The following CHRM5 variants were observed in gnomAD, a reference collection of about 807,000 sequenced individuals.
CHRM5 encodes cholinergic receptor muscarinic 5, also known as muscarinic acetylcholine receptor M5.
Under a neutral mutation model 39.0 loss-of-function variants are expected in CHRM5, and 18 were observed. That is an observed-to-expected ratio of 0.46 (90% CI 0.32 to 0.68). The LOEUF is 0.68. Among genes scored for constraint, CHRM5 ranks in the 30% least tolerant of loss-of-function variants. The pLI, the probability that CHRM5 is intolerant of heterozygous loss-of-function variation, is 0.04. For missense variants in CHRM5, 515 were observed against 651.1 expected (o/e 0.79, Z 2.28); for synonymous variants, 241 against 246.3 (o/e 0.98, Z 0.20).
At chr15:34,037,372 A>C (rs1899192532) in intron 1 of CHRM5, among the ~76,000 whole-genome samples, 1 of 151,788 alleles carries the variant, frequency 6.6e-6, no homozygotes, top group African/African-American at 2.4e-5. Flanking sequence ...AATACTGTTG[A>C]CTCAAGGGCA....
intron 2 of CHRM5, among the ~76,000 whole-genome samples, chr15:34,058,146 G>A (rs554082023): frequency 1.3e-5 from 2 of 152,164 alleles, no homozygotes; most frequent in African/African-American, 4.8e-5. Context: ...TCAAATGATC[G>A]AATGAGGCCT....
In CHRM5 at chr15:34,063,843, T is replaced by A; in HGVS notation, c.1126T>A (p.Cys376Ser). 1 of 1,614,088 alleles carries A rather than the reference T, an allele frequency of 6.2e-7. No individual in the cohort carries two copies. The highest frequency in any genetic ancestry group is 2.2e-5 in the East Asian group (1 of 44,880). The change falls in exon 3 of 3, where the codon TGT becomes AGT. Residue 376 changes from cysteine to serine, a missense_variant. Physicochemically the swap from Cys to Ser is moderately radical, Grantham distance 112. Transcript: ENST00000383263. This position sits in a 1 kb window ranked among gnomAD's most constrained non-coding sequence, Gnocchi z 4.1. Reference protein sequence around the residue: ...AAAHRPKSQKCVAYKFRLVVK... With the variant: ...AAAHRPKSQKSVAYKFRLVVK... ...TGCTCATAGACCCAAGAGTCAGAAATGTGTGGCCTATAAGTTCCGATTGGT... is the reference window on the plus strand; with the variant it reads ...TGCTCATAGACCCAAGAGTCAGAAAAGTGTGGCCTATAAGTTCCGATTGGT...
intron 1 of CHRM5, among the ~76,000 whole-genome samples, chr15:33,981,731 T>A (rs1896153255): frequency 6.6e-6 from 1 of 152,212 alleles, no homozygotes; most frequent in African/African-American, 2.4e-5. Context: ...GCTTAATTTA[T>A]CTCATCTATA....
chr15:33,990,662 C>G (rs543918148), intron 1 of CHRM5: 1 of 152,326 alleles, frequency 6.6e-6, no homozygotes, highest in South Asian at 2.1e-4. Flanking sequence ...CTCTGGGGGC[C>G]TGGGACCGGA....
At chr15:33,977,571 A>C (rs556474381) in intron 1 of CHRM5, among the ~76,000 whole-genome samples, 1 of 152,100 alleles carries the variant, frequency 6.6e-6, no homozygotes, top group Non-Finnish European at 1.5e-5. Context: ...GCTCTCCTCC[A>C]AGGACACTTT....
chr15:34,005,369 C>A (rs546569979), intron 1 of CHRM5, among the ~76,000 whole-genome samples: 1 of 152,138 alleles, frequency 6.6e-6, no homozygotes, highest in Non-Finnish European at 1.5e-5. Flanking sequence ...CCTATTTTTA[C>A]GACCCTGACT....
intron 1 of CHRM5, among the ~76,000 whole-genome samples, chr15:34,036,760 C>T (rs146629083): frequency 1.1e-4 from 16 of 152,302 alleles, no homozygotes; most frequent in African/African-American, 3.8e-4. Context: ...GAATGTGTTA[C>T]AATACTATCT....
chr15:34,022,436 G>T (rs890739738), intron 1 of CHRM5, among the ~76,000 whole-genome samples: 3 of 152,142 alleles, frequency 2.0e-5, no homozygotes, highest in Non-Finnish European at 2.9e-5. Context: ...GGCAGCAAAG[G>T]CGCCTACAGA....
At chr15:34,050,629 T>C (rs1291028004) in intron 2 of CHRM5, among the ~76,000 whole-genome samples, 1 of 152,116 alleles carries the variant, frequency 6.6e-6, no homozygotes, top group African/African-American at 2.4e-5. Flanking sequence ...AAGACACACA[T>C]AGGCTCAAAA....
chr15:33,981,578 G>A (rs530430736), intron 1 of CHRM5, among the ~76,000 whole-genome samples: 15 of 152,260 alleles, frequency 9.9e-5, no homozygotes, highest in African/African-American at 3.6e-4. Flanking sequence ...GCCTACTGCT[G>A]CATAGCCAAC....
intron 2 of CHRM5, among the ~76,000 whole-genome samples, chr15:34,059,683 CA>C (rs1196167187): frequency 6.6e-6 from 1 of 152,164 alleles, no homozygotes; most frequent in Non-Finnish European, 1.5e-5. Context: ...CTGTCTGAAA[CA>C]TTCTGGCACT....
intron 1 of CHRM5, among the ~76,000 whole-genome samples, chr15:34,006,601 TG>T (rs1211425648): frequency 3.9e-5 from 6 of 152,114 alleles, no homozygotes; most frequent in African/African-American, 1.4e-4. Flanking sequence ...AGCACTGAAA[TG>T]GAAAGTGGGA....
intron 1 of CHRM5, among the ~76,000 whole-genome samples, chr15:34,027,375 A>G (rs1425572458): frequency 6.6e-6 from 1 of 151,954 alleles, no homozygotes; most frequent in Admixed American, 6.6e-5. Context: ...AATAAAAATA[A>G]AAAAACAGCC....
At chr15:34,025,584 T>A (rs1008824660) in intron 1 of CHRM5, among the ~76,000 whole-genome samples, 4 of 152,216 alleles carry the variant, frequency 2.6e-5, no homozygotes, top group African/African-American at 4.8e-5. Context: ...AATAGAATTG[T>A]AGCAATGTTA....
rs553947340 is a variant in CHRM5 at position 34,029,401 on chromosome 15, C to T, written c.-407-17139C>T. Among the ~76,000 whole-genome samples, 3 of 151,840 alleles carry T rather than the reference C, an allele frequency of 2.0e-5. No individual in the cohort carries two copies. In the South Asian group the frequency reaches 6.2e-4, roughly 32 times the overall value. On this transcript the variant is annotated intron_variant, in intron 1 of 2. Coordinates refer to ENST00000383263, the MANE Select transcript of CHRM5 (RefSeq NM_012125.4). ...GAGGGGGAAAAAAAAGTTTTAGGAA[C>T]CGGGCAAGGTGGCTCATGCCTGTAA...
chr15:33,984,317 C>T (rs1896324056), intron 1 of CHRM5, among the ~76,000 whole-genome samples: 2 of 151,836 alleles, frequency 1.3e-5, no homozygotes, highest in African/African-American at 2.4e-5. Flanking sequence ...GTAATTGGAC[C>T]TTAATGTCAT....
rs190432560 is a variant in CHRM5, at chr15:34,016,075, G to A, written c.-407-30465G>A. On this transcript the variant is annotated intron_variant, in intron 1 of 2. Coordinates refer to ENST00000383263, the MANE Select transcript of CHRM5 (RefSeq NM_012125.4). ...GCGGATCGCCTGAGGTCAGGAGTTC[G>A]AGACCAGCCTGACCAACATGGAGAA... Among the ~76,000 whole-genome samples, 696 of 152,200 alleles carry A rather than the reference G, an allele frequency of 4.6e-3. 9 individuals carry two copies. Among genetic ancestry groups the A allele is most frequent in the African/African-American group, 0.016 (654 of 41,518 alleles).
chr15:33,982,055 C>T (rs930441835), intron 1 of CHRM5, among the ~76,000 whole-genome samples: 2 of 151,042 alleles, frequency 1.3e-5, no homozygotes, highest in Non-Finnish European at 2.9e-5. Flanking sequence ...TTAGTAGAGA[C>T]AAGATTTCAC....
At chr15:33,999,838 T>A (rs1253266426) in intron 1 of CHRM5, among the ~76,000 whole-genome samples, 1 of 152,216 alleles carries the variant, frequency 6.6e-6, no homozygotes, top group Non-Finnish European at 1.5e-5. Context: ...AGCAGAGTGA[T>A]CCTGTTAACA....
Sources: allele counts gnomAD v4.1 joint callset (sites outside exome capture counted in the v4.1 genomes callset), GRCh38; gene constraint gnomAD v4.1.1; non-coding constraint Gnocchi (gnomAD v3.1); transcripts MANE v1.5; gene names NCBI Gene and HGNC (gene_info 2026-07-23, HGNC 2026-07-21).